Variants in BABAM2 observed in about 807,000 individuals in gnomAD.
BABAM2 encodes BRISC and BRCA1-A complex member 2.
A neutral mutation model predicts 54.7 loss-of-function variants in BABAM2; 31 were observed. That is an observed-to-expected ratio of 0.57 (90% CI 0.43 to 0.77). The LOEUF (loss-of-function observed/expected upper bound fraction) is 0.77, where lower values mean the gene tolerates loss of function less well. BABAM2 is among the 30% of genes least tolerant of loss of function. BABAM2 has a pLI of 0.00. For missense variants in BABAM2, 364 were observed against 455.8 expected, an observed-to-expected ratio of 0.80 and a Z score of 1.83; for synonymous variants, 167 against 162.9, an observed-to-expected ratio of 1.03 and a Z score of -0.19.
chr2:28,088,915 G>A (rs1192772926), intron 6 of BABAM2, among the ~76,000 whole-genome samples: 1 of 152,140 alleles, frequency 6.6e-6, no homozygotes, highest in Non-Finnish European at 1.5e-5. Context: ...CTGCCTTGAT[G>A]TGACAAATCA....
intron 3 of BABAM2, among the ~76,000 whole-genome samples, chr2:27,965,137 T>C (rs1457811952): frequency 6.6e-6 from 1 of 152,188 alleles, no homozygotes; most frequent in Non-Finnish European, 1.5e-5. Flanking sequence ...TAATTATTAA[T>C]AATGCCCTTT....
At chr2:28,022,401 C>G (rs1364789761) in intron 4 of BABAM2, among the ~76,000 whole-genome samples, 1 of 152,242 alleles carries the variant, frequency 6.6e-6, no homozygotes, top group East Asian at 1.9e-4. Context: ...GTTATTTAAT[C>G]TCTCTAGTTA....
At chr2:27,999,778 T>C (rs758817722) in intron 4 of BABAM2, among the ~76,000 whole-genome samples, 2 of 152,336 alleles carry the variant, frequency 1.3e-5, no homozygotes, top group South Asian at 2.1e-4. Context: ...TATACATTAG[T>C]TTTTCAGAGG....
intron 10 of BABAM2, among the ~76,000 whole-genome samples, chr2:28,246,064 A>G (rs950801963): frequency 6.6e-6 from 1 of 152,184 alleles, no homozygotes; most frequent in Non-Finnish European, 1.5e-5. Flanking sequence ...AGTTTTAAGG[A>G]GATGGGCCTC....
At chr2:27,968,317 C>A (rs1670969773) in intron 3 of BABAM2, among the ~76,000 whole-genome samples, 1 of 152,220 alleles carries the variant, frequency 6.6e-6, no homozygotes, top group African/African-American at 2.4e-5. Flanking sequence ...GGGTGCAAGC[C>A]CCGAGCCTTG....
At chr2:28,209,408 A>T (rs1679217531) in intron 7 of BABAM2, among the ~76,000 whole-genome samples, 2 of 152,162 alleles carry the variant, frequency 1.3e-5, no homozygotes, top group African/African-American at 2.4e-5. Context: ...ACGATAATAG[A>T]GACTTTGGAC....
chr2:28,023,339 A>C (rs1175746585), intron 4 of BABAM2, among the ~76,000 whole-genome samples: 5 of 152,226 alleles, frequency 3.3e-5, no homozygotes, highest in Admixed American at 6.5e-5. Flanking sequence ...CTGGTAAGGA[A>C]TACTTGACCA....
At chr2:28,232,109 T>A (rs1681468357) in intron 7 of BABAM2, among the ~76,000 whole-genome samples, 1 of 152,082 alleles carries the variant, frequency 6.6e-6, no homozygotes, top group Admixed American at 6.6e-5. Context: ...CCTGGTCAGG[T>A]GTCTTTGAGA....
At chr2:28,026,353 C>T (rs1024037741) in intron 5 of BABAM2, among the ~76,000 whole-genome samples, 1 of 152,018 alleles carries the variant, frequency 6.6e-6, no homozygotes, top group African/African-American at 2.4e-5. Flanking sequence ...CAGTGATAGA[C>T]TGGATAAAGA....
intron 10 of BABAM2, among the ~76,000 whole-genome samples, chr2:28,259,074 CTTTTTTTTTTTTTT>C (rs70956009): frequency 3.8e-4 from 9 of 23,442 alleles, no homozygotes; most frequent in Middle Eastern, 0.029. Flanking sequence ...TGCACCTGGC[CTTTTTTTTTTTTTT>C]TTTTTTTTTT....
intron 2 of BABAM2, among the ~76,000 whole-genome samples, chr2:27,911,827 A>G (rs546343783): frequency 6.6e-6 from 1 of 152,292 alleles, no homozygotes; most frequent in South Asian, 2.1e-4. Context: ...ATGATTTGAA[A>G]CAAATCTAAT....
At chr2:28,102,739 C>A (rs187229651) in intron 6 of BABAM2, among the ~76,000 whole-genome samples, 1 of 152,052 alleles carries the variant, frequency 6.6e-6, no homozygotes, top group East Asian at 1.9e-4. Flanking sequence ...TTACAATGTG[C>A]GAACAGACAA....
At chr2:27,986,612 G>A (rs72812542) in intron 3 of BABAM2, among the ~76,000 whole-genome samples, 4,325 of 152,240 alleles carry the variant, frequency 0.028, 103 homozygotes, top group South Asian at 0.1. Flanking sequence ...AGTGAGAAAA[G>A]GGAGAGTCAT....
At chr2:28,088,058 A>T (rs1307258666) in intron 6 of BABAM2, among the ~76,000 whole-genome samples, 1 of 152,194 alleles carries the variant, frequency 6.6e-6, no homozygotes, top group Non-Finnish European at 1.5e-5. Flanking sequence ...CCACTACAAA[A>T]CAGAATTTGT....
Position 28,237,707 on chromosome 2 carries a change from C to T in BABAM2, c.780+406C>T, listed in dbSNP as rs183359502. ...TGTGTTTGGCAGTAGTTGGTATCCGCGTAATTGTTTAAAACTACCTTCATC... is the reference window on the plus strand; with the variant it reads ...TGTGTTTGGCAGTAGTTGGTATCCGTGTAATTGTTTAAAACTACCTTCATC... On this transcript the variant is annotated intron_variant, in intron 8 of 11. Coordinates refer to ENST00000379624, the MANE Select transcript of BABAM2 (RefSeq NM_199191.3). Among the ~76,000 whole-genome samples, 480 of 152,286 alleles carry T rather than the reference C, an allele frequency of 3.2e-3. 1 individual carries two copies. Among genetic ancestry groups the T allele is most frequent in the African/African-American group, 0.011 (455 of 41,552 alleles).
intron 10 of BABAM2, among the ~76,000 whole-genome samples, chr2:28,262,494 A>C (rs1180904052): frequency 6.6e-6 from 1 of 152,018 alleles, no homozygotes; most frequent in East Asian, 1.9e-4. Flanking sequence ...ATGTTTAAGA[A>C]ACATATTGGA....
chr2:28,282,974 G>A (rs1012037900), intron 10 of BABAM2, among the ~76,000 whole-genome samples: 1 of 134,240 alleles, frequency 7.4e-6, no homozygotes, highest in Non-Finnish European at 1.5e-5. Flanking sequence ...TTCCAGCCCA[G>A]GCAGCAGAGC....
intron 7 of BABAM2, among the ~76,000 whole-genome samples, chr2:28,206,023 AAGAAGGATAAAAT>A (rs1376557459): frequency 6.6e-6 from 1 of 152,212 alleles, no homozygotes; most frequent in Non-Finnish European, 1.5e-5. Context: ...CTGACGTTGA[AAGAAGGATAAAAT>A]CTTCAAGGCT....
At chr2:28,195,934 G>A (rs182643080) in intron 7 of BABAM2, among the ~76,000 whole-genome samples, 67 of 152,310 alleles carry the variant, frequency 4.4e-4, no homozygotes, top group African/African-American at 1.5e-3. Context: ...TGCCAGCAAG[G>A]TGGAAGATGG....
Sources: allele counts gnomAD v4.1 joint callset (sites outside exome capture counted in the v4.1 genomes callset), GRCh38; gene constraint gnomAD v4.1.1; transcripts MANE v1.5; gene names NCBI Gene and HGNC (gene_info 2026-07-23, HGNC 2026-07-21).